The following SMYD2 variants were observed in gnomAD, a reference collection of about 807,000 sequenced individuals.
SMYD2 encodes N-lysine methyltransferase SMYD2.
A neutral mutation model predicts 59.1 loss-of-function variants in SMYD2; 53 were observed. That is an observed-to-expected ratio of 0.90 (90% CI 0.72 to 1.13). The LOEUF (loss-of-function observed/expected upper bound fraction) is 1.13. SMYD2 is among the 50% of genes most tolerant of loss of function. The pLI is 0.00. For synonymous variants in SMYD2, 208 were observed against 198.8 expected, an observed-to-expected ratio of 1.05 and a Z score of -0.39; for missense variants, 494 against 544.7, an observed-to-expected ratio of 0.91 and a Z score of 0.93.
intron 1 of SMYD2, among the ~76,000 whole-genome samples, chr1:214,297,315 T>TTTG (rs1208024912): frequency 2.2e-5 from 3 of 135,018 alleles, no homozygotes; most frequent in African/African-American, 9.6e-5. Context: ...TTATTTCAGG[T>TTTG]TTTTTTTTTT....
intron 1 of SMYD2, among the ~76,000 whole-genome samples, chr1:214,286,310 A>G (rs1284375521): frequency 6.6e-6 from 1 of 152,036 alleles, no homozygotes; most frequent in African/African-American, 2.4e-5. Flanking sequence ...CTACAAAAAA[A>G]ATTTTATTTA....
chr1:214,329,920 T>C (rs1415586911), intron 7 of SMYD2, among the ~76,000 whole-genome samples: 1 of 152,208 alleles, frequency 6.6e-6, no homozygotes, highest in Non-Finnish European at 1.5e-5. Context: ...ACAGACTCTT[T>C]CCACTAACCT....
chr1:214,334,347 G>C (rs772830591), intron 11 of SMYD2, 39 bp downstream of exon 11: 3 of 1,564,780 alleles, frequency 1.9e-6, no homozygotes, highest in Admixed American at 1.7e-5. Flanking sequence ...CCAGTGGCCA[G>C]ATGGCCTCCT....
chr1:214,330,809 C>A, intron 8 of SMYD2, 141 bp from the exon 9 acceptor site: 1 of 1,302,186 alleles, frequency 7.7e-7, no homozygotes, highest in Non-Finnish European at 1.1e-6. Flanking sequence ...GATGCATTGC[C>A]TGATTTCCTT....
chr1:214,299,936 T>C (rs1571922712), intron 1 of SMYD2, among the ~76,000 whole-genome samples: 1 of 152,100 alleles, frequency 6.6e-6, no homozygotes, highest in African/African-American at 2.4e-5. Flanking sequence ...GAGCTAAACA[T>C]TGGGTATTCA....
chr1:214,297,377 G>A (rs1313219269), intron 1 of SMYD2, among the ~76,000 whole-genome samples: 4 of 151,484 alleles, frequency 2.6e-5, no homozygotes, highest in Non-Finnish European at 5.9e-5. Context: ...CAGACTTCCT[G>A]AACAATTCAG....
chr1:214,284,615 G>A (rs961799484), intron 1 of SMYD2, among the ~76,000 whole-genome samples: 2 of 150,740 alleles, frequency 1.3e-5, no homozygotes, highest in African/African-American at 4.9e-5. Context: ...TGCCCAGGCT[G>A]GAGTGCAGTG....
chr1:214,302,290 G>A (rs1193523614), intron 1 of SMYD2, among the ~76,000 whole-genome samples: 1 of 149,482 alleles, frequency 6.7e-6, no homozygotes, highest in Non-Finnish European at 1.5e-5. Flanking sequence ...AGTGAGCCAA[G>A]ATCATGCCAT....
chr1:214,316,687 C>T (rs1007976234), intron 3 of SMYD2, among the ~76,000 whole-genome samples: 4 of 152,122 alleles, frequency 2.6e-5, no homozygotes, highest in African/African-American at 9.7e-5. Context: ...ACTCTGAGGT[C>T]ATCCTTCAGC....
At chr1:214,300,860 G>C (rs1289763728) in intron 1 of SMYD2, among the ~76,000 whole-genome samples, 2 of 152,170 alleles carry the variant, frequency 1.3e-5, no homozygotes, top group Non-Finnish European at 2.9e-5. Context: ...TACTAAAATA[G>C]ATCAGCAGTT....
rs140404026 is a variant in SMYD2 at position 214,316,353 on chromosome 1, C to G, written c.348+1481C>G. ...AAAATTTCCCAGGTGTGGTGGTATACACCTGTGGTCCCAGCTATTCTGGAG... is the reference window on the plus strand; with the variant it reads ...AAAATTTCCCAGGTGTGGTGGTATAGACCTGTGGTCCCAGCTATTCTGGAG... On this transcript the variant is annotated intron_variant, in intron 3 of 11. Coordinates refer to ENST00000366957, the MANE Select transcript of SMYD2 (RefSeq NM_020197.3). Among the ~76,000 whole-genome samples the G allele has an allele frequency of 9.3e-3, 1,414 of 152,144 alleles. 15 individuals are homozygous for G. Among genetic ancestry groups the G allele is most frequent in the Non-Finnish European group, 0.014 (946 of 67,994 alleles).
At chr1:214,326,510 T>C (rs1298355377) in intron 6 of SMYD2, among the ~76,000 whole-genome samples, 6 of 152,118 alleles carry the variant, frequency 3.9e-5, no homozygotes, top group African/African-American at 1.4e-4. Context: ...GGCATCACTT[T>C]CCAGGAAGCC....
intron 6 of SMYD2, among the ~76,000 whole-genome samples, chr1:214,326,310 A>G (rs763118004): frequency 7.3e-5 from 11 of 151,700 alleles, no homozygotes; most frequent in Non-Finnish European, 1.6e-4. Context: ...CAGAATTATG[A>G]TACCAAGAAC....
chr1:214,321,510 C>CTCAGCCAGCCTCTCAG (rs1310771140), intron 5 of SMYD2, among the ~76,000 whole-genome samples: 1 of 152,224 alleles, frequency 6.6e-6, no homozygotes, highest in Non-Finnish European at 1.5e-5. Context: ...TGCCACCGGT[C>CTCAGCCAGCCTCTCAG]CCACCTCTCA....
chr1:214,332,103 CAT>C lies in SMYD2; in HGVS notation c.1024_1025del (p.Met342AspfsTer26). The C allele has an allele frequency of 3.1e-6, 5 of 1,614,142 alleles. No individual in the cohort carries two copies. The highest frequency in any genetic ancestry group is 3.4e-6 in the Non-Finnish European group (4 of 1,180,034). On this transcript the variant is annotated frameshift_variant, in exon 10 of 12. Coordinates refer to ENST00000366957, the MANE Select transcript of SMYD2 (RefSeq NM_020197.3). LOFTEE classifies it high-confidence loss of function. Reference sequence around the variant, plus strand: ...AGGACAGTAACGTGTACATGTTGCACATGATGTACCAGGCCATGGGTGTCTGC... The same window carrying C: ...AGGACAGTAACGTGTACATGTTGCACGATGTACCAGGCCATGGGTGTCTGC... Reference protein sequence around the residue: ...FEDSNVYMLHMMYQAMGVCLY... With the variant: ...FEDSNVYMLHXMYQAMGVCLY...
intron 11 of SMYD2, among the ~76,000 whole-genome samples, chr1:214,335,212 G>A (rs1022023425): frequency 2.6e-5 from 4 of 152,228 alleles, no homozygotes; most frequent in Non-Finnish European, 5.9e-5. Context: ...GACTATTTGC[G>A]AAGATGGAAT....
At chr1:214,291,088 A>T (rs551541611) in intron 1 of SMYD2, among the ~76,000 whole-genome samples, 1 of 152,322 alleles carries the variant, frequency 6.6e-6, no homozygotes, top group South Asian at 2.1e-4. Context: ...TAGGAATTCT[A>T]CTTTTTAACT....
intron 1 of SMYD2, among the ~76,000 whole-genome samples, chr1:214,285,677 T>G (rs1210879040): frequency 6.8e-6 from 1 of 146,922 alleles, no homozygotes; most frequent in African/African-American, 2.6e-5. Context: ...TTTCCACCTT[T>G]CAGTATTTCA....
intron 1 of SMYD2, among the ~76,000 whole-genome samples, chr1:214,298,401 A>G (rs965647125): frequency 6.6e-6 from 1 of 152,172 alleles, no homozygotes; most frequent in Non-Finnish European, 1.5e-5. Context: ...ACAAAAATTA[A>G]CTCAAGATGG....
Sources: gnomAD v4.1 joint callset for allele counts (sites outside exome capture counted in the v4.1 genomes callset) on GRCh38, gnomAD v4.1.1 for gene constraint, MANE v1.5 for transcripts, NCBI Gene and HGNC (gene_info 2026-07-23, HGNC 2026-07-21) for gene names.